CAST: variants seen among roughly 807,000 people sequenced by gnomAD.
CAST encodes the protein calpastatin, also known as MIR583 host.
CAST carries 76 observed loss-of-function variants against 119.6 expected under a neutral mutation model. The observed-to-expected ratio is 0.64, with a 90% CI of 0.53 to 0.77. The LOEUF (loss-of-function observed/expected upper bound fraction) is 0.77. Among genes scored for constraint, CAST ranks in the 30% least tolerant of loss-of-function variants. CAST has a pLI of 0.00. For synonymous variants in CAST, 319 were observed against 331.6 expected (o/e 0.96, Z 0.41); for missense variants, 953 against 946.5 (o/e 1.01, Z -0.09).
chr5:96,568,602 G>A (rs1235389225), intron 1 of CAST, among the ~76,000 whole-genome samples: 2 of 149,818 alleles, frequency 1.3e-5, no homozygotes, highest in African/African-American at 4.9e-5. Context: ...GATAAGGGCA[G>A]TTGGTTTATA....
the CAST span, among the ~76,000 whole-genome samples, chr5:96,260,689 AC>A: frequency 1.3e-5 from 2 of 152,116 alleles, no homozygotes; most frequent in African/African-American, 2.4e-5. Flanking sequence ...TGACCTGGAG[AC>A]CATAGGCATC....
chr5:96,050,629 C>T, the CAST span, among the ~76,000 whole-genome samples: 8 of 152,164 alleles, frequency 5.3e-5, no homozygotes, highest in African/African-American at 1.7e-4. Flanking sequence ...GAAGAGTAGA[C>T]GTGGTTTTAT....
chr5:96,538,891 G>A (rs1745866372), intron 1 of CAST, among the ~76,000 whole-genome samples: 1 of 92,442 alleles, frequency 1.1e-5, no homozygotes, highest in Admixed American at 1.3e-4. Context: ...AATATCAAAT[G>A]ACTCAGAGAG....
chr5:96,744,969 C>T (rs1280193918), intron 16 of CAST, among the ~76,000 whole-genome samples: 3 of 152,166 alleles, frequency 2.0e-5, no homozygotes, highest in Admixed American at 2.0e-4. Flanking sequence ...ATTCAGTAGG[C>T]TCTTTTTTTT....
At chr5:96,640,549 G>A (rs957548587) in intron 1 of CAST, among the ~76,000 whole-genome samples, 1 of 152,146 alleles carries the variant, frequency 6.6e-6, no homozygotes, top group African/African-American at 2.4e-5. Flanking sequence ...TGTGAACAAG[G>A]GGGACTGAGA....
chr5:95,990,775 G>A, the CAST span, among the ~76,000 whole-genome samples: 2 of 151,858 alleles, frequency 1.3e-5, no homozygotes, highest in Admixed American at 6.6e-5. Context: ...GTGTCTCACT[G>A]TCACCCAGGC....
the CAST span, chr5:96,410,986 C>T: frequency 6.2e-7 from 1 of 1,610,966 alleles, no homozygotes; most frequent in Non-Finnish European, 8.5e-7. Context: ...CCCTGTCTCC[C>T]CTAAAGGAAA....
chr5:96,711,966 GA>G (rs1756255110), intron 3 of CAST, among the ~76,000 whole-genome samples: 1 of 152,056 alleles, frequency 6.6e-6, no homozygotes, highest in Non-Finnish European at 1.5e-5. Flanking sequence ...GGAATATGGT[GA>G]AAATTAATAG....
the CAST span, among the ~76,000 whole-genome samples, chr5:96,128,334 A>G: frequency 6.6e-6 from 1 of 152,036 alleles, no homozygotes; most frequent in African/African-American, 2.4e-5. Context: ...TTAACTACAC[A>G]GTATTTGATT....
the CAST span, among the ~76,000 whole-genome samples, chr5:96,107,331 C>T: frequency 6.6e-6 from 1 of 152,038 alleles, no homozygotes; most frequent in Non-Finnish European, 1.5e-5. Context: ...ATGGTCTTTA[C>T]ATTTTGGCAT....
the CAST span, among the ~76,000 whole-genome samples, chr5:96,427,938 A>G: frequency 2.0e-5 from 3 of 152,308 alleles, no homozygotes; most frequent in African/African-American, 4.8e-5. Context: ...AACTTCTGTA[A>G]TAAGGTCCAG....
the CAST span, among the ~76,000 whole-genome samples, chr5:96,484,287 C>T: frequency 6.6e-6 from 1 of 152,208 alleles, no homozygotes; most frequent in Admixed American, 6.5e-5. Flanking sequence ...AGTTGTCACT[C>T]TTACGCACAC....
the CAST span, among the ~76,000 whole-genome samples, chr5:96,268,152 T>C: frequency 6.6e-6 from 1 of 151,908 alleles, no homozygotes; most frequent in African/African-American, 2.4e-5. Context: ...CAAAGAAAGA[T>C]AATAAAAAGG....
chr5:96,487,915 G>A, the CAST span, among the ~76,000 whole-genome samples: 18 of 152,144 alleles, frequency 1.2e-4, no homozygotes, highest in East Asian at 3.8e-4. Context: ...GGAACAAAAT[G>A]CAGACATTTT....
chr5:96,056,988 C>A, the CAST span, among the ~76,000 whole-genome samples: 6 of 152,118 alleles, frequency 3.9e-5, no homozygotes, highest in African/African-American at 1.2e-4. Context: ...TGGGCAGCCC[C>A]CAGAACCAGA....
At chr5:96,390,975 C>T in the CAST span, 2 of 152,612 alleles carry the variant, frequency 1.3e-5, no homozygotes, top group South Asian at 4.1e-4. Context: ...ATACATCTAG[C>T]ACTAGATTGG....
chr5:96,438,156 C>T, the CAST span, among the ~76,000 whole-genome samples: 165 of 151,942 alleles, frequency 1.1e-3, 1 homozygote, highest in African/African-American at 3.8e-3. Flanking sequence ...AAATGTGGCA[C>T]CCAGAATAGA....
chr5:96,557,890 A>T (rs924501236), intron 1 of CAST, among the ~76,000 whole-genome samples: 2 of 152,154 alleles, frequency 1.3e-5, no homozygotes, highest in African/African-American at 4.8e-5. Context: ...ACCCCAAATC[A>T]ACACACTATA....
At chr5:96,033,255 A>G in the CAST span, among the ~76,000 whole-genome samples, 1 of 152,106 alleles carries the variant, frequency 6.6e-6, no homozygotes, top group South Asian at 2.1e-4. Context: ...ACCCAAAGAG[A>G]TCAACGTAAT....
Sources: gnomAD v4.1 joint callset for allele counts (sites outside exome capture counted in the v4.1 genomes callset) on GRCh38, gnomAD v4.1.1 for gene constraint, MANE v1.5 for transcripts, NCBI Gene and HGNC (gene_info 2026-07-23, HGNC 2026-07-21) for gene names.